The following BSN variants were observed in gnomAD, a reference collection of about 807,000 sequenced individuals.
BSN encodes the protein protein bassoon.
In BSN, 57 loss-of-function variants were observed where a neutral mutation model predicts 264.8. The observed-to-expected ratio is 0.22, with a 90% CI of 0.17 to 0.27. The LOEUF (loss-of-function observed/expected upper bound fraction) is 0.27, where lower values mean the gene tolerates loss of function less well. BSN is among the 10% of genes least tolerant of loss of function. The probability of loss-of-function intolerance (pLI) is 1.00; values close to 1 mark genes in which losing one functional copy is unlikely to be tolerated. For synonymous variants in BSN, 2,059 were observed against 2,137.3 expected (o/e 0.96, Z 1.01); for missense variants, 4,615 against 5,232.5 (o/e 0.88, Z 3.64).
rs1404644223 is a variant in BSN at position 49,669,210 on chromosome 3, AG to A, written c.*1726del. ...CTTCTAGCTGACTTCTGCACAAGCTAGTGAGGACCTGCCAGAATTGTTGCCT... is the reference window on the plus strand; with the variant it reads ...CTTCTAGCTGACTTCTGCACAAGCTATGAGGACCTGCCAGAATTGTTGCCT... On this transcript the variant is annotated 3_prime_UTR_variant, in exon 12 of 12. Coordinates refer to ENST00000296452, the MANE Select transcript of BSN (RefSeq NM_003458.4). The A allele has an allele frequency of 6.6e-6, 1 of 152,582 alleles. No homozygotes were observed. Among genetic ancestry groups the A allele is most frequent in the Non-Finnish European group, 1.5e-5 (1 of 68,020 alleles). The allele number at this position is 152,582 out of a possible 1,614,324, so 9.5% of individuals were successfully genotyped here.
chr3:49,586,210 TC>T (rs2051936118), intron 1 of BSN, among the ~76,000 whole-genome samples: 6 of 152,190 alleles, frequency 3.9e-5, no homozygotes, highest in Admixed American at 3.9e-4. Flanking sequence ...TATAGTAGTT[TC>T]ACAGTTTGAG....
intron 2 of BSN, chr3:49,640,943 A>T (rs1230356833): frequency 1.3e-5 from 2 of 152,060 alleles, no homozygotes; most frequent in African/African-American, 4.8e-5. Context: ...AGCTCAGGGG[A>T]CCACTTGGCA....
chr3:49,558,667 A>G (rs930141657), intron 1 of BSN, among the ~76,000 whole-genome samples: 3 of 152,208 alleles, frequency 2.0e-5, no homozygotes, highest in African/African-American at 7.2e-5. Context: ...TTTGTCACTT[A>G]GAGATCTTCT....
At chr3:49,614,356 G>C (rs1280555269) in intron 1 of BSN, among the ~76,000 whole-genome samples, 1 of 152,170 alleles carries the variant, frequency 6.6e-6, no homozygotes, top group African/African-American at 2.4e-5. Flanking sequence ...ACCGCGCCCG[G>C]CCGACATTCA....
chr3:49,642,612 C>A lies in BSN; in HGVS notation c.978C>A (p.Ala326=). 6.2e-7 allele frequency: 1 copy of A among 1,603,382 alleles called. No individual in the cohort carries two copies. The highest frequency in any genetic ancestry group is 8.5e-7 in the Non-Finnish European group (1 of 1,173,764). Residue 326 remains alanine, a synonymous_variant, in exon 3 of 12, where the codon GCC becomes GCA. Transcript: ENST00000296452. This position sits in a 1 kb window ranked among gnomAD's most constrained non-coding sequence, Gnocchi z 7.0. ...EPRPPAGEAP[A]KSATAVPAGL... ...GGCCACCTGCAGGAGAGGCCCCGGC[C>A]AAAAGTGCCACCGCAGTGCCCGCTG...
intron 1 of BSN, among the ~76,000 whole-genome samples, chr3:49,603,001 G>T (rs1365744112): frequency 6.6e-6 from 1 of 152,252 alleles, no homozygotes; most frequent in African/African-American, 2.4e-5. Context: ...GCTCCCTGCA[G>T]TGTTGCTCCT....
chr3:49,598,659 G>T (rs939410426), intron 1 of BSN, among the ~76,000 whole-genome samples: 1 of 152,068 alleles, frequency 6.6e-6, no homozygotes, highest in Non-Finnish European at 1.5e-5. Flanking sequence ...CACCCACCTC[G>T]GCCTCCCAAA....
intron 1 of BSN, among the ~76,000 whole-genome samples, chr3:49,587,107 T>G (rs996457258): frequency 6.6e-6 from 1 of 152,204 alleles, no homozygotes; most frequent in Non-Finnish European, 1.5e-5. Context: ...TAGTTTTCCT[T>G]ATAGAGATCT....
intron 8 of BSN, 60 bp from the exon 9 acceptor site, chr3:49,664,363 T>C: frequency 6.2e-7 from 1 of 1,611,892 alleles, no homozygotes; most frequent in East Asian, 2.2e-5. Context: ...GTACTTGCCC[T>C]CTTAGACCCT....
intron 1 of BSN, among the ~76,000 whole-genome samples, chr3:49,577,325 C>T (rs2051852616): frequency 6.6e-6 from 1 of 152,118 alleles, no homozygotes; most frequent in Non-Finnish European, 1.5e-5. Context: ...CTACTGGGAA[C>T]ATTTTTTATC....
At position 49,656,741 on chromosome 3, in the gene BSN, G is replaced by C; in HGVS notation, c.7185G>C (p.Glu2395Asp). 1 of 1,577,428 alleles carries C rather than the reference G, an allele frequency of 6.3e-7. No homozygotes were observed. The highest frequency in any genetic ancestry group is 8.6e-7 in the Non-Finnish European group (1 of 1,161,228). The change falls in exon 5 of 12, where the codon GAG becomes GAC. Residue 2395 changes from glutamate to aspartate, a missense_variant. Physicochemically the swap from Glu to Asp is conservative, Grantham distance 45. This residue lies in a region of BSN where 3,415 missense variants were observed against 3,866.4 expected (regional missense o/e 0.88). Coordinates refer to ENST00000296452, the MANE Select transcript of BSN (RefSeq NM_003458.4). ...LRQLRLQEEL[E>D]RERVELQRHR... ...AACTTCGGCTGCAAGAGGAGCTAGA[G>C]CGGGAACGTGTGGAGCTGCAGAGGC...
intron 1 of BSN, among the ~76,000 whole-genome samples, chr3:49,595,046 A>G (rs1337719523): frequency 2.6e-5 from 4 of 151,858 alleles, no homozygotes; most frequent in Non-Finnish European, 5.9e-5. Context: ...GTGCACCATC[A>G]TGCCCGGCTA....
rs765558807 is a variant in BSN, at chr3:49,655,843, G to A, written c.6287G>A (p.Arg2096His). The A allele has an allele frequency of 5.0e-6, 8 of 1,613,226 alleles. No individual in the cohort carries two copies. Among genetic ancestry groups the A allele is most frequent in the Admixed American group, 3.3e-5 (2 of 60,004 alleles). Residue 2096 changes from arginine to histidine, a missense_variant, in exon 5 of 12, where the codon CGT (arginine) becomes CAT (histidine). Arg to His is a conservative substitution (Grantham distance 29). Around this residue, in one of 3 missense-constraint regions of BSN, gnomAD observed 3,415 missense variants for 3,866.4 expected, o/e 0.88. Coordinates refer to ENST00000296452, the MANE Select transcript of BSN (RefSeq NM_003458.4). ...SLAQYSATTA[R>H]EISRMCAALN... is the part of the protein sequence containing the mutation. ...GCCCAGTACAGTGCCACCACAGCCC[G>A]TGAAATCAGTCGCATGTGCGCTGCC...
intron 2 of BSN, among the ~76,000 whole-genome samples, chr3:49,630,157 A>T (rs2052374687): frequency 6.6e-6 from 1 of 151,734 alleles, no homozygotes; most frequent in East Asian, 1.9e-4. Flanking sequence ...CATTCCCTCT[A>T]CTCCCTCCTG....
At chr3:49,645,316 G>A (rs2052496931) in intron 3 of BSN, among the ~76,000 whole-genome samples, 1 of 152,162 alleles carries the variant, frequency 6.6e-6, no homozygotes, top group Non-Finnish European at 1.5e-5. Context: ...GCTATTCTAG[G>A]GAAGGTGTGG....
chr3:49,589,082 A>ATTTTTTTTTTTTTTTTTT (rs55919876), intron 1 of BSN, among the ~76,000 whole-genome samples: 9 of 132,448 alleles, frequency 6.8e-5, no homozygotes, highest in Non-Finnish European at 1.3e-4. Context: ...GCCTGGCTAA[A>ATTTTTTTTTTTTTTTTTT]TTTTTTTTTT....
At chr3:49,648,309 A>G (rs1235279896) in intron 3 of BSN, among the ~76,000 whole-genome samples, 2 of 152,238 alleles carry the variant, frequency 1.3e-5, no homozygotes, top group Non-Finnish European at 2.9e-5. Flanking sequence ...CCAAACTTTG[A>G]GAGGCCTAAC....
At chr3:49,632,796 A>G (rs2052391512) in intron 2 of BSN, among the ~76,000 whole-genome samples, 1 of 151,942 alleles carries the variant, frequency 6.6e-6, no homozygotes, top group South Asian at 2.1e-4. Flanking sequence ...TGTCTAAAAA[A>G]AAAGTGGGGG....
At chr3:49,559,672 C>T (rs2051699024) in intron 1 of BSN, among the ~76,000 whole-genome samples, 2 of 152,118 alleles carry the variant, frequency 1.3e-5, no homozygotes, top group Non-Finnish European at 2.9e-5. Context: ...ATTTTCTCTC[C>T]TTTTTGCTCC....
Sources: gnomAD v4.1 joint callset for allele counts (sites outside exome capture counted in the v4.1 genomes callset) on GRCh38, gnomAD v4.1.1 for gene constraint, gnomAD v4.1.1 regional missense constraint, Gnocchi (gnomAD v3.1) non-coding constraint, MANE v1.5 for transcripts, NCBI Gene and HGNC (gene_info 2026-07-23, HGNC 2026-07-21) for gene names.